Variants in LRRC4C observed in about 807,000 individuals in gnomAD.
The protein encoded by LRRC4C is leucine-rich repeat-containing protein 4C.
LRRC4C carries 5 observed loss-of-function variants against 33.6 expected under a neutral mutation model. The ratio of observed to expected loss-of-function variants is 0.15; its 90% CI spans 0.08 to 0.31. LRRC4C has a LOEUF of 0.31. Among genes scored for constraint, LRRC4C ranks in the 10% least tolerant of loss-of-function variants. The pLI is 1.00. For missense variants in LRRC4C, 560 were observed against 796.7 expected (o/e 0.70, Z 3.58); for synonymous variants, 329 against 302.0 (o/e 1.09, Z -0.93).
intron 2 of LRRC4C, among the ~76,000 whole-genome samples, chr11:40,911,760 G>A (rs956263137): frequency 6.6e-6 from 1 of 152,146 alleles, no homozygotes; most frequent in Non-Finnish European, 1.5e-5. Context: ...GCTAAAGGAG[G>A]AAGTTCGAAC....
chr11:40,777,686 AT>A (rs573224037), intron 2 of LRRC4C, among the ~76,000 whole-genome samples: 111 of 149,192 alleles, frequency 7.4e-4, no homozygotes, highest in African/African-American at 2.5e-3. Context: ...TTGATTTTTT[AT>A]TTTTTTTATT....
intron 2 of LRRC4C, among the ~76,000 whole-genome samples, chr11:40,893,222 G>A (rs137920265): frequency 1.8e-4 from 28 of 152,146 alleles, no homozygotes; most frequent in African/African-American, 6.5e-4. Context: ...CAGAGGCCTG[G>A]TAAGGCAAGT....
intron 2 of LRRC4C, among the ~76,000 whole-genome samples, chr11:40,850,530 C>A (rs1157633089): frequency 6.6e-6 from 1 of 152,148 alleles, no homozygotes; most frequent in African/African-American, 2.4e-5. Flanking sequence ...GAGGGGCACC[C>A]ACCAGAGCTC....
chr11:40,456,071 T>C (rs1952118158), intron 3 of LRRC4C, among the ~76,000 whole-genome samples: 1 of 152,104 alleles, frequency 6.6e-6, no homozygotes, highest in African/African-American at 2.4e-5. Flanking sequence ...CTTCCTCTCA[T>C]TGAGAGGCTA....
chr11:40,440,990 T>C (rs542658971), intron 3 of LRRC4C, among the ~76,000 whole-genome samples: 1 of 152,148 alleles, frequency 6.6e-6, no homozygotes, highest in African/African-American at 2.4e-5. Context: ...TAAACACTTA[T>C]TGGAATAAAC....
intron 3 of LRRC4C, among the ~76,000 whole-genome samples, chr11:40,519,355 C>A (rs1450683156): frequency 6.6e-6 from 1 of 152,024 alleles, no homozygotes; most frequent in Non-Finnish European, 1.5e-5. Flanking sequence ...TAACATATGA[C>A]CCCCAGATAT....
intron 1 of LRRC4C, among the ~76,000 whole-genome samples, chr11:41,021,307 C>G (rs1855970985): frequency 1.4e-5 from 2 of 145,602 alleles, no homozygotes; most frequent in Admixed American, 1.4e-4. Context: ...AAAAAAAAAG[C>G]TGATCCTGGA....
intron 1 of LRRC4C, among the ~76,000 whole-genome samples, chr11:41,455,761 T>C (rs1401816495): frequency 6.6e-6 from 1 of 152,178 alleles, no homozygotes; most frequent in Non-Finnish European, 1.5e-5. Context: ...AACAACACTA[T>C]GAGTTAAGAA....
intron 3 of LRRC4C, among the ~76,000 whole-genome samples, chr11:40,493,582 A>G (rs1308194392): frequency 1.3e-5 from 2 of 152,178 alleles, no homozygotes; most frequent in African/African-American, 4.8e-5. Flanking sequence ...ATTGATGTGT[A>G]CTCAGAATTG....
chr11:40,373,508 A>AT (rs1948541398), intron 3 of LRRC4C, among the ~76,000 whole-genome samples: 1 of 152,198 alleles, frequency 6.6e-6, no homozygotes, highest in Non-Finnish European at 1.5e-5. Flanking sequence ...AATAAATTTA[A>AT]TATACACTTT....
chr11:41,272,672 A>T (rs1949358830), intron 1 of LRRC4C, among the ~76,000 whole-genome samples: 1 of 152,184 alleles, frequency 6.6e-6, no homozygotes, highest in Admixed American at 6.5e-5. Flanking sequence ...AAAAGAATTA[A>T]AATGAAGCTT....
intron 1 of LRRC4C, among the ~76,000 whole-genome samples, chr11:41,009,139 A>G (rs1010030432): frequency 6.6e-6 from 1 of 152,082 alleles, no homozygotes; most frequent in Non-Finnish European, 1.5e-5. Flanking sequence ...GGAAAGCTAA[A>G]TAGCTTCTTT....
chr11:41,455,480 A>G (rs1299741734), intron 1 of LRRC4C, among the ~76,000 whole-genome samples: 1 of 152,288 alleles, frequency 6.6e-6, no homozygotes, highest in East Asian at 1.9e-4. Context: ...ACACATATTC[A>G]CAAGTAACTA....
At position 40,896,390 on chromosome 11, in the gene LRRC4C, G is replaced by GA. The variant is rs1282561567; in HGVS notation, c.-407+37244dup. Among the ~76,000 whole-genome samples, 14 of 152,194 alleles carry GA rather than the reference G, an allele frequency of 9.2e-5. No homozygotes were observed. In the South Asian group the frequency reaches 1.7e-3, roughly 18 times the overall value. On this transcript the variant is annotated intron_variant, in intron 2 of 6. Transcript: ENST00000528697. ...GATCGCCTTGAGCTCTTTATGAGGGGAAAAAATCACATCTTCTCACTGATA... is the reference window on the plus strand; with the variant it reads ...GATCGCCTTGAGCTCTTTATGAGGGGAAAAAAATCACATCTTCTCACTGATA...
chr11:40,780,142 C>T (rs556621166), intron 2 of LRRC4C, among the ~76,000 whole-genome samples: 3 of 152,116 alleles, frequency 2.0e-5, no homozygotes, highest in Non-Finnish European at 4.4e-5. Flanking sequence ...ACACATCCAT[C>T]ATATTAAAAA....
At chr11:40,605,948 G>A (rs966396427) in intron 3 of LRRC4C, among the ~76,000 whole-genome samples, 7 of 152,116 alleles carry the variant, frequency 4.6e-5, no homozygotes, top group South Asian at 4.1e-4. Context: ...TTTGGAGTGC[G>A]TGCAAGACCC....
chr11:41,066,295 T>C (rs1938231409), intron 1 of LRRC4C, among the ~76,000 whole-genome samples: 2 of 152,078 alleles, frequency 1.3e-5, no homozygotes, highest in Admixed American at 1.3e-4. Context: ...GCCGAATTAA[T>C]CAAGTGGAAG....
chr11:40,971,326 C>T (rs1462343383), intron 1 of LRRC4C, among the ~76,000 whole-genome samples: 1 of 152,206 alleles, frequency 6.6e-6, no homozygotes, highest in Admixed American at 6.5e-5. Flanking sequence ...GCATTCTAGC[C>T]ACTCCAGCTC....
chr11:41,333,214 CAT>C, intron 1 of LRRC4C, among the ~76,000 whole-genome samples: 1 of 152,162 alleles, frequency 6.6e-6, no homozygotes, highest in Middle Eastern at 3.4e-3. Flanking sequence ...AGAATCAAGG[CAT>C]AATGTCTATT....
Sources: allele counts gnomAD v4.1 joint callset (sites outside exome capture counted in the v4.1 genomes callset), GRCh38; gene constraint gnomAD v4.1.1; transcripts MANE v1.5; gene names NCBI Gene and HGNC (gene_info 2026-07-23, HGNC 2026-07-21).